Variants in SERAC1 observed in about 807,000 individuals in gnomAD.
SERAC1 encodes the protein protein SERAC1.
In SERAC1, 36 loss-of-function variants were observed where a neutral mutation model predicts 85.7. The observed-to-expected ratio is 0.42, with a 90% CI of 0.32 to 0.55. The LOEUF (loss-of-function observed/expected upper bound fraction) is 0.55, where lower values mean the gene tolerates loss of function less well. SERAC1 is among the 20% of genes least tolerant of loss of function. SERAC1 has a pLI of 0.11. For synonymous variants in SERAC1, 242 were observed against 265.3 expected, an observed-to-expected ratio of 0.91 and a Z score of 0.85; for missense variants, 629 against 796.2, an observed-to-expected ratio of 0.79 and a Z score of 2.53.
chr6:158,160,696 T>A (rs1452237035), intron 1 of SERAC1, among the ~76,000 whole-genome samples: 2 of 152,200 alleles, frequency 1.3e-5, no homozygotes, highest in Non-Finnish European at 2.9e-5. Flanking sequence ...CTTAAAGTTA[T>A]ACAATTTATT....
intron 4 of SERAC1, 123 bp from the exon 5 acceptor site, chr6:158,149,077 C>T (rs1247964325): frequency 1.6e-6 from 1 of 636,644 alleles, no homozygotes; most frequent in Non-Finnish European, 2.6e-6. Context: ...GCAAGCTCTG[C>T]CTCCCGGGTT....
chr6:158,113,176 CA>C, intron 16 of SERAC1: 1 of 414,260 alleles, frequency 2.4e-6, no homozygotes, highest in Non-Finnish European at 4.2e-6. Flanking sequence ...TTCTTTACTG[CA>C]AAAGAGTTCA....
chr6:158,131,134 CTT>C (rs1443105114), intron 8 of SERAC1, among the ~76,000 whole-genome samples: 1 of 151,642 alleles, frequency 6.6e-6, no homozygotes, highest in African/African-American at 2.4e-5. Context: ...AATTTCAACT[CTT>C]ATCACAGATC....
At chr6:158,133,133 C>T (rs1470744550) in intron 8 of SERAC1, among the ~76,000 whole-genome samples, 1 of 151,844 alleles carries the variant, frequency 6.6e-6, no homozygotes, top group Non-Finnish European at 1.5e-5. Context: ...ACAGTGAAAC[C>T]CCATCTCTAC....
chr6:158,156,369 G>A (rs1785333001), intron 2 of SERAC1, among the ~76,000 whole-genome samples: 1 of 152,056 alleles, frequency 6.6e-6, no homozygotes, highest in African/African-American at 2.4e-5. Context: ...AGGGCTAACA[G>A]TGTAACACAG....
chr6:158,152,668 A>G (rs533644090), intron 3 of SERAC1: 1 of 152,320 alleles, frequency 6.6e-6, no homozygotes, highest in Non-Finnish European at 1.5e-5. Flanking sequence ...ATATAAGTGT[A>G]CCATTTTAAA....
chr6:158,139,108 T>C (rs975696484), intron 8 of SERAC1, among the ~76,000 whole-genome samples: 5 of 152,074 alleles, frequency 3.3e-5, no homozygotes, highest in African/African-American at 9.7e-5. Context: ...TCTTGCTATG[T>C]TGCCCAGGCT....
At chr6:158,138,558 C>G (rs894112891) in intron 8 of SERAC1, among the ~76,000 whole-genome samples, 1 of 151,204 alleles carries the variant, frequency 6.6e-6, no homozygotes, top group Non-Finnish European at 1.5e-5. Context: ...TAAATAGTAA[C>G]GTCAGGCCAG....
At chr6:158,124,420 T>C (rs1176527936) in intron 10 of SERAC1, among the ~76,000 whole-genome samples, 1 of 152,150 alleles carries the variant, frequency 6.6e-6, no homozygotes, top group Non-Finnish European at 1.5e-5. Context: ...CAGGAAAGTT[T>C]CTACATTTGA....
At chr6:158,132,318 A>C (rs1405529246) in intron 8 of SERAC1, among the ~76,000 whole-genome samples, 1 of 152,154 alleles carries the variant, frequency 6.6e-6, no homozygotes, top group Non-Finnish European at 1.5e-5. Flanking sequence ...CTTTTTATTC[A>C]TGCCTTCTTC....
At chr6:158,156,948 A>G (rs148204601) in intron 2 of SERAC1, among the ~76,000 whole-genome samples, 7,643 of 90,248 alleles carry the variant, frequency 0.085, 904 homozygotes, top group East Asian at 0.17. Context: ...AGATATTAAT[A>G]TATTTATATA....
chr6:158,131,324 A>G (rs1784667129), intron 8 of SERAC1, among the ~76,000 whole-genome samples: 1 of 147,488 alleles, frequency 6.8e-6, no homozygotes. Context: ...TATATATTGT[A>G]TAGTATATAT....
chr6:158,129,826 G>A (rs1024859588), intron 9 of SERAC1, among the ~76,000 whole-genome samples: 3 of 151,674 alleles, frequency 2.0e-5, no homozygotes, highest in African/African-American at 2.4e-5. Context: ...CCTCCAAGTA[G>A]CTGGGATTAC....
At position 158,151,303 on chromosome 6, in the gene SERAC1, C is replaced by T. The variant is rs376370763; in HGVS notation, c.129-714G>A. On this transcript the variant is annotated intron_variant, in intron 3 of 16. Coordinates refer to ENST00000647468, the MANE Select transcript of SERAC1 (RefSeq NM_032861.4). ...AGCAAGGCACGTAGTCTCAGCTATT[C>T]GGGAGGCTAAAGCAGAAGGATCCCT... 2.6e-4 allele frequency among the ~76,000 whole-genome samples: 40 copies of T among 152,238 alleles called. 2 individuals are homozygous for T. In the East Asian group the frequency reaches 2.9e-3, roughly 11 times the overall value.
chr6:158,156,017 C>T (rs28654892), intron 2 of SERAC1, among the ~76,000 whole-genome samples: 60,274 of 151,730 alleles, frequency 0.4, 12,135 homozygotes, highest in Middle Eastern at 0.5. Flanking sequence ...GGCATGGTGG[C>T]GCATGCCTGT....
At chr6:158,145,963 C>G (rs750552972) in intron 6 of SERAC1, 19 of 152,048 alleles carry the variant, frequency 1.2e-4, no homozygotes, top group Non-Finnish European at 1.6e-4. Flanking sequence ...GATTTTTAAA[C>G]ACAATTACAT....
In SERAC1 at chr6:158,158,264, T is replaced by C. The variant is rs373350749; in HGVS notation, c.91+9A>G. The C allele has an allele frequency of 9.9e-5, 156 of 1,582,566 alleles. No individual in the cohort carries two copies. The highest frequency in any genetic ancestry group is 1.3e-4 in the Non-Finnish European group (151 of 1,152,154). ...ATAAGAAAATAAGAGTTGTTTAAGC[T>C]GTACTCACTGATATCTCTCCAGTGT... On this transcript the variant is annotated intron_variant, in intron 2 of 16. Coordinates refer to ENST00000647468, the MANE Select transcript of SERAC1 (RefSeq NM_032861.4).
chr6:158,130,388 T>G lies in SERAC1; in HGVS notation c.837A>C (p.Ile279=), dbSNP rs1784646014. The G allele has an allele frequency of 3.2e-6, 5 of 1,555,740 alleles. No homozygotes were observed. The South Asian group carries it at 5.0e-5, about 16-fold the overall frequency. ...ATVEMFCLEA[I]VKHSEISTHC... The stretch of plus-strand genomic sequence containing the variant: ...TGTAAATTACCTCAGAATGTTTTAC[T>G]ATAGCTTCTAAACAGAACATTTCCA... The change falls in exon 9 of 17, where the codon ATA becomes ATC. Residue 279 remains isoleucine (I), a synonymous_variant. Transcript: ENST00000647468.
chr6:158,164,700 A>G (rs1452811613), intron 1 of SERAC1, among the ~76,000 whole-genome samples: 1 of 152,204 alleles, frequency 6.6e-6, no homozygotes, highest in Non-Finnish European at 1.5e-5. Context: ...GGAGGAAGCC[A>G]GAGTGAAACA....
Sources: allele counts gnomAD v4.1 joint callset (sites outside exome capture counted in the v4.1 genomes callset), GRCh38; gene constraint gnomAD v4.1.1; transcripts MANE v1.5; gene names NCBI Gene and HGNC (gene_info 2026-07-23, HGNC 2026-07-21).